Variants in PCDH1 observed in about 807,000 individuals in gnomAD.
PCDH1 encodes protocadherin 1, also known as protocadherin-1.
In PCDH1, 23 loss-of-function variants were observed where a neutral mutation model predicts 74.6. The observed-to-expected ratio is 0.31, with a 90% confidence interval of 0.22 to 0.44. The LOEUF is 0.44. Among genes scored for constraint, PCDH1 ranks in the 20% least tolerant of loss-of-function variants. The probability of loss-of-function intolerance (pLI) is 1.00; values close to 1 mark genes in which losing one functional copy is unlikely to be tolerated. For synonymous variants in PCDH1, 647 were observed against 686.1 expected, an observed-to-expected ratio of 0.94 and a Z score of 0.89; for missense variants, 1,214 against 1,641.4, an observed-to-expected ratio of 0.74 and a Z score of 4.50.
chr5:141,871,147 G>C (rs1170087604), intron 1 of PCDH1, among the ~76,000 whole-genome samples: 1 of 152,216 alleles, frequency 6.6e-6, no homozygotes, highest in Non-Finnish European at 1.5e-5. Context: ...CAAACACAAA[G>C]CACTACGAAG....
In PCDH1 at chr5:141,854,402, G is replaced by A; in HGVS notation, c.3354C>T (p.Gly1118=). ...ACTCACTGCACTCCCGGGTACATGT[G>A]CCTGTCATGGCGACATCAGGCAAAG... The part of the protein sequence containing the change: ...LRPLPDVAMT[G]TCTRECSEFG... The change falls in exon 5 of 5, where the codon GGC becomes GGT. Residue 1118 remains glycine (G), a synonymous_variant. Transcript: ENST00000287008. 3 of 1,612,612 alleles carry A rather than the reference G, an allele frequency of 1.9e-6. No individual in the cohort carries two copies. The highest frequency in any genetic ancestry group is 2.5e-6 in the Non-Finnish European group (3 of 1,179,530).
At chr5:141,872,487 A>G (rs990046889) in intron 1 of PCDH1, among the ~76,000 whole-genome samples, 9 of 152,200 alleles carry the variant, frequency 5.9e-5, no homozygotes, top group African/African-American at 1.9e-4. Flanking sequence ...CATGGTACAG[A>G]TTTTTCCAGG....
At chr5:141,871,152 A>G (rs1000130420) in intron 1 of PCDH1, among the ~76,000 whole-genome samples, 2 of 152,254 alleles carry the variant, frequency 1.3e-5, no homozygotes, top group African/African-American at 2.4e-5. Flanking sequence ...ACAAAGCACT[A>G]CGAAGGAAGG....
Position 141,854,032 on chromosome 5 carries a change from A to T in PCDH1, c.*10T>A. 6.7e-7 allele frequency: 1 copy of T among 1,481,878 alleles called. No individual in the cohort carries two copies. The highest frequency in any genetic ancestry group is 9.0e-7 in the Non-Finnish European group (1 of 1,116,098). The allele number at this position is 1,481,878 out of a possible 1,614,324, so 91.8% of individuals were successfully genotyped here. On this transcript the variant is annotated 3_prime_UTR_variant, in exon 5 of 5. Transcript: ENST00000287008. Reference sequence around the variant, plus strand: ...GCTGGGGGAGGGGGGCCGGCCGGCCAGTAGGGGGCTCACAGGTAGATCTCG... The same window carrying T: ...GCTGGGGGAGGGGGGCCGGCCGGCCTGTAGGGGGCTCACAGGTAGATCTCG...
intron 1 of PCDH1, among the ~76,000 whole-genome samples, chr5:141,871,846 C>T (rs949963615): frequency 1.1e-4 from 16 of 152,166 alleles, no homozygotes; most frequent in Non-Finnish European, 1.5e-4. Context: ...TGTGTGACCA[C>T]TGCTCTTTTA....
Position 141,863,657 on chromosome 5 carries a change from CCTT to C in PCDH1, c.2671_2673del (p.Lys891del). On this transcript the variant is annotated inframe_deletion, in exon 3 of 5. Transcript: ENST00000287008. The surrounding 1 kb of genome is among the most constrained non-coding windows in gnomAD (Gnocchi z 7.5). ...TTGGGGGCATACAGGTCCTTGGTCT[CCTT>C]CTTACCAGCCTGGTAACCACTTTTG... 1 of 1,614,190 alleles carries C rather than the reference CCTT, an allele frequency of 6.2e-7. No homozygotes were observed. Among genetic ancestry groups the C allele is most frequent in the Non-Finnish European group, 8.5e-7 (1 of 1,180,014 alleles).
rs760501645 is a variant in PCDH1 at position 141,854,231 on chromosome 5, CG to C, written c.3524del (p.Pro1175ArgfsTer39). ...GGGCCGTTTTGGTGTTCCGGTCTTC[CG>C]GGGGGCTGGGGCTGCCGGCGCCCGC... ...EPAGAGSPSPPEDRNTKTAPV... is the reference protein window; with the variant it reads ...EPAGAGSPSPXEDRNTKTAPV... On this transcript the variant is annotated frameshift_variant, in exon 5 of 5. Transcript: ENST00000287008. LOFTEE classifies it high-confidence loss of function. The C allele has an allele frequency of 6.2e-7, 1 of 1,611,012 alleles. No homozygotes were observed. The highest frequency in any genetic ancestry group is 8.5e-7 in the Non-Finnish European group (1 of 1,178,540).
chr5:141,861,115 CAAAAAAAAAAAAAA>C (rs59007688), intron 3 of PCDH1, among the ~76,000 whole-genome samples: 2 of 61,924 alleles, frequency 3.2e-5, no homozygotes, highest in Non-Finnish European at 5.7e-5. Flanking sequence ...AACTCCATCT[CAAAAAAAAAAAAAA>C]AAAAAAAAAA....
chr5:141,878,102 G>T lies in PCDH1; in HGVS notation c.40+121C>A, dbSNP rs1753286715. 2.2e-6 allele frequency: 2 copies of T among 893,116 alleles called. No homozygotes were observed. Among genetic ancestry groups the T allele is most frequent in the Non-Finnish European group, 3.1e-6 (2 of 653,380 alleles). 55.3% of individuals were successfully genotyped at this position (893,116 alleles called of 1,614,324 possible). A position where few individuals can be genotyped will look rare whatever the true frequency, so the allele number is the denominator to read the frequency against. ...GCAGCCCCCACCTCAGCCCCCTCGC[G>T]CCGAGCTCGTGTTGGGCCCCCGCGG... On this transcript the variant is annotated intron_variant, in intron 1 of 4. Coordinates refer to ENST00000287008, the MANE Select transcript of PCDH1 (RefSeq NM_032420.5). The surrounding 1 kb of genome is among the most constrained non-coding windows in gnomAD (Gnocchi z 5.5).
intron 2 of PCDH1, chr5:141,866,154 CG>C (rs1355783766): frequency 1.1e-5 from 11 of 985,348 alleles, no homozygotes; most frequent in Non-Finnish European, 1.3e-5. Flanking sequence ...CCCTCCAGGC[CG>C]GGCCCCAGCC....
chr5:141,865,171 A>G lies in PCDH1; in HGVS notation c.1160T>C (p.Ile387Thr). 2 of 1,614,058 alleles carry G rather than the reference A, an allele frequency of 1.2e-6. No homozygotes were observed. Among genetic ancestry groups the G allele is most frequent in the Non-Finnish European group, 1.7e-6 (2 of 1,180,008 alleles). ...VKDMNDNAPT[I>T]EIRGIGLVTH... ...CACTAGCCCTATGCCCCGGATCTCA[A>G]TGGTGGGGGCATTGTCATTCATGTC... Residue 387 changes from isoleucine to threonine, a missense_variant, in exon 3 of 5, where the codon ATT (isoleucine) becomes ACT (threonine). Coordinates refer to ENST00000287008, the MANE Select transcript of PCDH1 (RefSeq NM_032420.5). This position sits in a 1 kb window ranked among gnomAD's most constrained non-coding sequence, Gnocchi z 4.4.
chr5:141,866,595 T>A (rs1266206371), intron 2 of PCDH1, among the ~76,000 whole-genome samples: 1 of 151,624 alleles, frequency 6.6e-6, no homozygotes, highest in Non-Finnish European at 1.5e-5. Flanking sequence ...AACAGAAGAG[T>A]CCTGGGTTCA....
At chr5:141,861,395 G>A (rs1752559827) in intron 3 of PCDH1, among the ~76,000 whole-genome samples, 1 of 152,162 alleles carries the variant, frequency 6.6e-6, no homozygotes, top group African/African-American at 2.4e-5. Flanking sequence ...CATTCAGTGT[G>A]GCTCCATGGA....
intron 4 of PCDH1, 117 bp from the exon 5 acceptor site, chr5:141,854,553 C>T: frequency 9.4e-7 from 1 of 1,060,938 alleles, no homozygotes. Flanking sequence ...GCGCCCCTTC[C>T]TGACCGCTGA....
intron 1 of PCDH1, among the ~76,000 whole-genome samples, chr5:141,876,734 C>G (rs1260331674): frequency 1.3e-5 from 2 of 152,222 alleles, no homozygotes; most frequent in African/African-American, 4.8e-5. Flanking sequence ...CAGCGGGGAC[C>G]AGGCGGAGGG....
At position 141,856,241 on chromosome 5, in the gene PCDH1, G is replaced by T. The variant is rs186490262; in HGVS notation, c.3319+1011C>A. On this transcript the variant is annotated intron_variant, in intron 4 of 4. Transcript: ENST00000287008. ...CCACATACCTGGCACTCTGCCTCAG[G>T]GCCTGCTCCGGCCAGCCGGCTCTGC... 138 of 1,535,694 alleles carry T rather than the reference G, an allele frequency of 9.0e-5. No individual in the cohort carries two copies. In the African/African-American group the frequency reaches 1.8e-3, roughly 20 times the overall value.
chr5:141,863,756 C>T lies in PCDH1; in HGVS notation c.2575G>A (p.Ala859Thr). ...AGCAAGGCCACGGCCACCACACCAGCCACCACACCAAAGAGAATGTTGCCA... is the reference window on the plus strand; with the variant it reads ...AGCAAGGCCACGGCCACCACACCAGTCACCACACCAAAGAGAATGTTGCCA... Reference protein sequence around the residue: ...QRGNILFGVVAGVVAVALLIA... With the variant: ...QRGNILFGVVTGVVAVALLIA... Residue 859 changes from alanine to threonine, a missense_variant, in exon 3 of 5, where the codon GCT becomes ACT. Physicochemically the swap from Ala to Thr is moderately conservative, Grantham distance 58 (BLOSUM62 0). Around this residue, in one of 4 missense-constraint regions of PCDH1, gnomAD observed 836 missense variants for 1,182.2 expected, o/e 0.71. Coordinates refer to ENST00000287008, the MANE Select transcript of PCDH1 (RefSeq NM_032420.5). This position sits in a 1 kb window ranked among gnomAD's most constrained non-coding sequence, Gnocchi z 7.5. The T allele has an allele frequency of 3.7e-6, 6 of 1,614,202 alleles. No homozygotes were observed. Among genetic ancestry groups the T allele is most frequent in the Non-Finnish European group, 4.2e-6 (5 of 1,180,030 alleles).
At chr5:141,860,196 T>A in intron 3 of PCDH1, among the ~76,000 whole-genome samples, 1 of 152,032 alleles carries the variant, frequency 6.6e-6, no homozygotes, top group East Asian at 1.9e-4. Context: ...TATGGTGAAA[T>A]AAATTCAGAA....
At position 141,869,079 on chromosome 5, in the gene PCDH1, G is replaced by A; in HGVS notation, c.393C>T (p.Pro131=). 1 of 1,613,992 alleles carries A rather than the reference G, an allele frequency of 6.2e-7. No individual in the cohort carries two copies. Among genetic ancestry groups the A allele is most frequent in the South Asian group, 1.1e-5 (1 of 91,080 alleles). Residue 131 remains proline (P), a synonymous_variant, in exon 2 of 5, where the codon CCC becomes CCT. Transcript: ENST00000287008. This position sits in a 1 kb window ranked among gnomAD's most constrained non-coding sequence, Gnocchi z 4.9. Reference sequence around the variant, plus strand: ...TAGATACCTCAAACTCCAGGATGCAGGGATCACCAGGGAGCTGGTTCTGGC... The same window carrying A: ...TAGATACCTCAAACTCCAGGATGCAAGGATCACCAGGGAGCTGGTTCTGGC... The part of the protein sequence containing the change: ...RECQNQLPGD[P]CILEFEVSIT...
Sources: gnomAD v4.1 joint callset for allele counts (sites outside exome capture counted in the v4.1 genomes callset) on GRCh38, gnomAD v4.1.1 for gene constraint, gnomAD v4.1.1 regional missense constraint, Gnocchi (gnomAD v3.1) non-coding constraint, MANE v1.5 for transcripts, NCBI Gene and HGNC (gene_info 2026-07-23, HGNC 2026-07-21) for gene names.